The following KIAA1549L variants were observed in gnomAD, a reference collection of about 807,000 sequenced individuals.
KIAA1549L encodes UPF0606 protein KIAA1549L.
A neutral mutation model predicts 160.7 loss-of-function variants in KIAA1549L; 88 were observed. The ratio of observed to expected loss-of-function variants is 0.55; its 90% CI spans 0.46 to 0.65. KIAA1549L has a LOEUF of 0.65. Ranked by LOEUF, KIAA1549L falls within the 30% of genes least tolerant of loss-of-function variation. The probability of loss-of-function intolerance (pLI) is 0.00; values close to 1 mark genes in which losing one functional copy is unlikely to be tolerated. For synonymous variants in KIAA1549L, 950 were observed against 976.7 expected, an observed-to-expected ratio of 0.97 and a Z score of 0.51; for missense variants, 2,258 against 2,437.5, an observed-to-expected ratio of 0.93 and a Z score of 1.55.
intron 1 of KIAA1549L, among the ~76,000 whole-genome samples, chr11:33,457,052 G>A (rs1052422447): frequency 6.6e-6 from 1 of 152,194 alleles, no homozygotes; most frequent in Non-Finnish European, 1.5e-5. Flanking sequence ...TTGATACCAC[G>A]ACCTTCAGGG....
At chr11:33,645,223 G>T (rs1743579039) in intron 16 of KIAA1549L, among the ~76,000 whole-genome samples, 2 of 152,072 alleles carry the variant, frequency 1.3e-5, no homozygotes, top group Admixed American at 1.3e-4. Flanking sequence ...CTGATAAGTA[G>T]CATCAGGCAA....
At position 33,664,345 on chromosome 11, in the gene KIAA1549L, G is replaced by A. The variant is rs1240745828; in HGVS notation, c.6159+3331G>A. On this transcript the variant is annotated intron_variant, in intron 20 of 20. Coordinates refer to ENST00000658780, the MANE Select transcript of KIAA1549L (RefSeq NM_012194.3). ...CCCCCTCTGCCTGACACCCATCCGT[G>A]GCTCCCAGCCAGGCGTCAGCCGCAC... Among the ~76,000 whole-genome samples, 4 of 1,596 alleles carry A rather than the reference G, an allele frequency of 2.5e-3. 1 individual carries two copies. The highest frequency in any genetic ancestry group is 0.012 in the African/African-American group (4 of 326). 1.0% of individuals were successfully genotyped at this position (1,596 alleles called of 152,430 possible). A position where few individuals can be genotyped will look rare whatever the true frequency, so the allele number is the denominator to read the frequency against.
At chr11:33,597,702 A>G (rs904379200) in intron 12 of KIAA1549L, among the ~76,000 whole-genome samples, 2 of 152,180 alleles carry the variant, frequency 1.3e-5, no homozygotes, top group Admixed American at 6.5e-5. Context: ...ACAGAGTTCC[A>G]GAAGATGAGA....
At chr11:33,570,205 T>C (rs530133777) in intron 9 of KIAA1549L, among the ~76,000 whole-genome samples, 62 of 152,220 alleles carry the variant, frequency 4.1e-4, no homozygotes, top group South Asian at 2.5e-3. Context: ...GATTTCACCA[T>C]GTTGTTCAGG....
intron 1 of KIAA1549L, among the ~76,000 whole-genome samples, chr11:33,470,263 A>C (rs1852150475): frequency 6.6e-6 from 1 of 152,158 alleles, no homozygotes; most frequent in African/African-American, 2.4e-5. Context: ...CCATTCATTG[A>C]AAAGACCCTT....
At chr11:33,550,045 A>C (rs1854405469) in intron 4 of KIAA1549L, among the ~76,000 whole-genome samples, 1 of 151,192 alleles carries the variant, frequency 6.6e-6, no homozygotes, top group Non-Finnish European at 1.5e-5. Context: ...AAAGAAACAA[A>C]AAAAAAAAAC....
At chr11:33,488,711 A>G (rs996663333) in intron 1 of KIAA1549L, among the ~76,000 whole-genome samples, 6 of 151,966 alleles carry the variant, frequency 3.9e-5, no homozygotes, top group African/African-American at 1.5e-4. Context: ...GCTCGTTCCT[A>G]ACAACTAAGT....
chr11:33,537,636 C>T (rs1286070576), intron 1 of KIAA1549L, among the ~76,000 whole-genome samples: 1 of 152,178 alleles, frequency 6.6e-6, no homozygotes, highest in Non-Finnish European at 1.5e-5. Flanking sequence ...ATACCTTCTT[C>T]CCACTGTCCC....
intron 1 of KIAA1549L, among the ~76,000 whole-genome samples, chr11:33,540,200 A>G (rs1853985057): frequency 6.6e-6 from 1 of 152,220 alleles, no homozygotes; most frequent in African/African-American, 2.4e-5. Context: ...TGCTGAAAGC[A>G]AAAGCTGCTC....
At chr11:33,649,880 A>G (rs1851836112) in intron 17 of KIAA1549L, among the ~76,000 whole-genome samples, 2 of 151,048 alleles carry the variant, frequency 1.3e-5, no homozygotes, top group African/African-American at 4.9e-5. Context: ...AAAAAAAGGA[A>G]AGAAAGAAAA....
chr11:33,440,924 T>G (rs537550958), intron 1 of KIAA1549L, among the ~76,000 whole-genome samples: 1 of 152,140 alleles, frequency 6.6e-6, no homozygotes, highest in African/African-American at 2.4e-5. Context: ...TTCTTTTTTT[T>G]TTATTATTAT....
At chr11:33,526,989 A>G (rs1048946191) in intron 1 of KIAA1549L, among the ~76,000 whole-genome samples, 1 of 152,230 alleles carries the variant, frequency 6.6e-6, no homozygotes, top group Non-Finnish European at 1.5e-5. Context: ...AATGAAAGAC[A>G]TACTTACAGA....
At chr11:33,493,262 A>T (rs1405780695) in intron 1 of KIAA1549L, among the ~76,000 whole-genome samples, 1 of 152,322 alleles carries the variant, frequency 6.6e-6, no homozygotes, top group Non-Finnish European at 1.5e-5. Context: ...TACCAATTAT[A>T]AAAGGGCTTG....
At chr11:33,611,478 G>C (rs772909640) in intron 15 of KIAA1549L, among the ~76,000 whole-genome samples, 3 of 152,200 alleles carry the variant, frequency 2.0e-5, no homozygotes, top group Non-Finnish European at 2.9e-5. Flanking sequence ...CTCAACCAGT[G>C]CTTAATTTAC....
chr11:33,432,334 G>A (rs537224126), intron 1 of KIAA1549L, among the ~76,000 whole-genome samples: 7 of 152,218 alleles, frequency 4.6e-5, no homozygotes, highest in Non-Finnish European at 1.0e-4. Context: ...CACTTTACTT[G>A]ACCCTGACTC....
At chr11:33,404,352 T>G (rs1331428748) in intron 1 of KIAA1549L, among the ~76,000 whole-genome samples, 3 of 151,042 alleles carry the variant, frequency 2.0e-5, no homozygotes, top group Non-Finnish European at 3.0e-5. Flanking sequence ...TGGTGAAACC[T>G]CATCTCTACT....
intron 1 of KIAA1549L, among the ~76,000 whole-genome samples, chr11:33,515,110 G>T (rs565915756): frequency 2.6e-5 from 4 of 152,130 alleles, no homozygotes; most frequent in Admixed American, 2.0e-4. Flanking sequence ...CCAGGGGGTC[G>T]TATTTATTTG....
Position 33,542,938 on chromosome 11 carries a change from G to C in KIAA1549L, c.1375G>C (p.Gly459Arg). ...GTCAGCAGCTCCAGAGAATTCCAGA[G>C]GGCCCGCCCTTTCGGCAGAACACAC... is the stretch of plus-strand genomic sequence containing the variant. ...HLSAAPENSR[G>R]PALSAEHTSS... Residue 459 changes from glycine (G) to arginine (R), a missense_variant, in exon 2 of 21, where the codon GGG (glycine) becomes CGG (arginine). Gly to Arg is a moderately radical substitution (Grantham distance 125, BLOSUM62 -2). Coordinates refer to ENST00000658780, the MANE Select transcript of KIAA1549L (RefSeq NM_012194.3). 6.2e-7 allele frequency: 1 copy of C among 1,614,058 alleles called. No individual in the cohort carries two copies. Among genetic ancestry groups the C allele is most frequent in the Non-Finnish European group, 8.5e-7 (1 of 1,179,906 alleles).
intron 20 of KIAA1549L, among the ~76,000 whole-genome samples, chr11:33,661,834 C>A (rs11032333): frequency 1.4e-5 from 2 of 141,888 alleles, no homozygotes; most frequent in African/African-American, 5.4e-5. Context: ...GAGCCAAGAT[C>A]GCGCCACTCC....
Sources: allele counts gnomAD v4.1 joint callset (sites outside exome capture counted in the v4.1 genomes callset), GRCh38; gene constraint gnomAD v4.1.1; transcripts MANE v1.5; gene names NCBI Gene and HGNC (gene_info 2026-07-23, HGNC 2026-07-21).